CDH13: variants seen among roughly 807,000 people sequenced by gnomAD.
The protein encoded by CDH13 is cadherin-13.
A neutral mutation model predicts 63.8 loss-of-function variants in CDH13; 24 were observed. The ratio of observed to expected loss-of-function variants is 0.38; its 90% CI spans 0.27 to 0.53. The LOEUF (loss-of-function observed/expected upper bound fraction) is 0.53, where lower values mean the gene tolerates loss of function less well. Among genes scored for constraint, CDH13 ranks in the 20% least tolerant of loss-of-function variants. The pLI, the probability that CDH13 is intolerant of heterozygous loss-of-function variation, is 0.85. For missense variants in CDH13, 1,049 were observed against 903.1 expected (o/e 1.16, Z -2.07); for synonymous variants, 503 against 355.3 (o/e 1.42, Z -4.67).
At chr16:82,777,546 T>A (rs1172988267) in intron 1 of CDH13, among the ~76,000 whole-genome samples, 1 of 152,216 alleles carries the variant, frequency 6.6e-6, no homozygotes. Context: ...TTCTGTACCA[T>A]CGTCTATAAT....
chr16:83,442,781 G>A (rs980377605), intron 6 of CDH13, among the ~76,000 whole-genome samples: 1 of 152,250 alleles, frequency 6.6e-6, no homozygotes, highest in Non-Finnish European at 1.5e-5. Flanking sequence ...TGGAGAAGAT[G>A]TAAAATGTTT....
In CDH13 at chr16:82,714,347, C is replaced by G. The variant is rs371059041; in HGVS notation, c.45+87210C>G. On this transcript the variant is annotated intron_variant, in intron 1 of 13. Transcript: ENST00000567109. ...ATGTAACACTATTTGGCAACAGGGTCTTTGCAGATAATCAAATAAAAATGA... is the reference window on the plus strand; with the variant it reads ...ATGTAACACTATTTGGCAACAGGGTGTTTGCAGATAATCAAATAAAAATGA... Among the ~76,000 whole-genome samples, 6 of 152,236 alleles carry G rather than the reference C, an allele frequency of 3.9e-5. No homozygotes were observed. The South Asian group carries it at 1.2e-3, about 32-fold the overall frequency.
rs530524209 is a variant in CDH13, at chr16:83,492,871, A to G, written c.960+6216A>G. 2.6e-5 allele frequency among the ~76,000 whole-genome samples: 4 copies of G among 152,292 alleles called. No individual in the cohort carries two copies. The South Asian group carries it at 6.2e-4, about 24-fold the overall frequency. ...CAGGACTCCACTGGTAACCGTAACC[A>G]CTTCCCCCATCCCTCTTAGTGTGAC... is the stretch of plus-strand genomic sequence containing the variant. On this transcript the variant is annotated intron_variant, in intron 7 of 13. Coordinates refer to ENST00000567109, the MANE Select transcript of CDH13 (RefSeq NM_001257.5).
chr16:83,222,772 T>G (rs10514587), intron 5 of CDH13, among the ~76,000 whole-genome samples: 116,186 of 152,094 alleles, frequency 0.76, 45,395 homozygotes, highest in East Asian at 0.96. Context: ...CAGGTAGCCA[T>G]TAGGATTGCC....
chr16:82,918,356 C>G (rs1390566099), intron 2 of CDH13, among the ~76,000 whole-genome samples: 1 of 152,074 alleles, frequency 6.6e-6, no homozygotes, highest in Non-Finnish European at 1.5e-5. Context: ...GCACCAGTTT[C>G]TGTGATTTTT....
chr16:83,800,506 G>A lies in CDH13; in HGVS notation c.*5476G>A, dbSNP rs138335445. The A allele has an allele frequency of 4.6e-5, 7 of 152,316 alleles. No homozygotes were observed. The East Asian group carries it at 1.2e-3, about 25-fold the overall frequency. The allele number at this position is 152,316 out of a possible 1,614,324, so 9.4% of individuals were successfully genotyped here. ...AAATATTCAGTCTATGGCAGATGTC[G>A]CTCCTTTGGGCCCTCACTGCTGAAT... is the stretch of plus-strand genomic sequence containing the variant. On this transcript the variant is annotated 3_prime_UTR_variant, in exon 14 of 14. Coordinates refer to ENST00000567109, the MANE Select transcript of CDH13 (RefSeq NM_001257.5).
chr16:83,567,331 TCA>T (rs1007636385), intron 7 of CDH13, among the ~76,000 whole-genome samples: 2 of 152,302 alleles, frequency 1.3e-5, no homozygotes, highest in East Asian at 1.9e-4. Flanking sequence ...GTGGGTGAAC[TCA>T]CACAGACTAG....
At chr16:82,874,046 A>C (rs2040426187) in intron 2 of CDH13, among the ~76,000 whole-genome samples, 1 of 94,598 alleles carries the variant, frequency 1.1e-5, no homozygotes, top group African/African-American at 4.6e-5. Context: ...TTAGAAAGAT[A>C]ATAAGATGCA....
rs1305918875 is a variant in CDH13, at chr16:83,032,081, A to C, written c.229A>C (p.Ser77Arg). 1.2e-6 allele frequency: 2 copies of C among 1,612,248 alleles called. No homozygotes were observed. Among genetic ancestry groups the C allele is most frequent in the African/African-American group, 1.3e-5 (1 of 74,920 alleles). ...CTCGAGCCCATACTTCAAGGTGAACAGCGATGGCGGCTTAGTTGCTCTGAG... is the reference window on the plus strand; with the variant it reads ...CTCGAGCCCATACTTCAAGGTGAACCGCGATGGCGGCTTAGTTGCTCTGAG... Reference protein sequence around the residue: ...EVSSPYFKVNSDGGLVALRNI... With the variant: ...EVSSPYFKVNRDGGLVALRNI... Residue 77 changes from serine (S) to arginine (R), a missense_variant, in exon 3 of 14, where the codon AGC becomes CGC. Physicochemically the swap from Ser to Arg is moderately radical, Grantham distance 110 (BLOSUM62 -1). Coordinates refer to ENST00000567109, the MANE Select transcript of CDH13 (RefSeq NM_001257.5).
chr16:82,814,141 G>C (rs982098307), intron 1 of CDH13, among the ~76,000 whole-genome samples: 1 of 152,048 alleles, frequency 6.6e-6, no homozygotes, highest in African/African-American at 2.4e-5. Context: ...TACATATTTG[G>C]TCTCTGCCCC....
rs1156899522 is a variant in CDH13, at chr16:83,796,669, C to G, written c.*1639C>G. 2.0e-5 allele frequency: 3 copies of G among 151,974 alleles called. No individual in the cohort carries two copies. Among genetic ancestry groups the G allele is most frequent in the Non-Finnish European group, 2.9e-5 (2 of 68,002 alleles). 9.4% of individuals were successfully genotyped at this position (151,974 alleles called of 1,614,324 possible). Reference sequence around the variant, plus strand: ...ACTGATGTTGGGTCTTGTCTTAGTGCAAGTTCACATTTTTGACAGACCATT... The same window carrying G: ...ACTGATGTTGGGTCTTGTCTTAGTGGAAGTTCACATTTTTGACAGACCATT... On this transcript the variant is annotated 3_prime_UTR_variant, in exon 14 of 14. Transcript: ENST00000567109.
At chr16:83,457,592 T>C (rs1463918662) in intron 6 of CDH13, among the ~76,000 whole-genome samples, 1 of 152,018 alleles carries the variant, frequency 6.6e-6, no homozygotes, top group Non-Finnish European at 1.5e-5. Flanking sequence ...TCAACAACAA[T>C]GACATCCACA....
intron 6 of CDH13, among the ~76,000 whole-genome samples, chr16:83,378,645 A>G (rs1165755569): frequency 2.6e-5 from 4 of 151,954 alleles, no homozygotes; most frequent in African/African-American, 9.7e-5. Context: ...TCTGTTTCTT[A>G]TTATCATATT....
intron 5 of CDH13, among the ~76,000 whole-genome samples, chr16:83,264,875 A>C (rs1364315): frequency 6.6e-6 from 1 of 151,996 alleles, no homozygotes; most frequent in African/African-American, 2.4e-5. Flanking sequence ...CTGTCAAACT[A>C]TGCACACATT....
intron 2 of CDH13, among the ~76,000 whole-genome samples, chr16:82,922,985 A>C (rs1407008379): frequency 6.6e-6 from 1 of 152,208 alleles, no homozygotes; most frequent in Non-Finnish European, 1.5e-5. Flanking sequence ...TCATATTTAT[A>C]CTGTAGTCTC....
chr16:83,412,236 T>C (rs1455881713), intron 6 of CDH13, among the ~76,000 whole-genome samples: 1 of 152,174 alleles, frequency 6.6e-6, no homozygotes, highest in African/African-American at 2.4e-5. Context: ...CCAAGGCTGA[T>C]GGATCACTTG....
At chr16:83,694,751 A>AC (rs1347729772) in intron 10 of CDH13, among the ~76,000 whole-genome samples, 8 of 152,274 alleles carry the variant, frequency 5.3e-5, no homozygotes, top group African/African-American at 1.9e-4. Context: ...CTCTGGGCAG[A>AC]CCATCAGGGC....
At chr16:83,410,268 A>C (rs2092106943) in intron 6 of CDH13, among the ~76,000 whole-genome samples, 1 of 152,250 alleles carries the variant, frequency 6.6e-6, no homozygotes, top group South Asian at 2.1e-4. Context: ...TGCAGAATCA[A>C]AACCACGTTC....
chr16:82,903,723 T>C (rs965605004), intron 2 of CDH13, among the ~76,000 whole-genome samples: 3 of 152,110 alleles, frequency 2.0e-5, no homozygotes, highest in African/African-American at 7.2e-5. Context: ...AGGGAACATA[T>C]ATGTTATCCC....
Sources: allele counts gnomAD v4.1 joint callset (sites outside exome capture counted in the v4.1 genomes callset), GRCh38; gene constraint gnomAD v4.1.1; transcripts MANE v1.5; gene names NCBI Gene and HGNC (gene_info 2026-07-23, HGNC 2026-07-21).